PALM2AKAP2: variants seen among roughly 807,000 people sequenced by gnomAD.
The protein encoded by PALM2AKAP2 is PALM2-AKAP2 fusion protein.
In PALM2AKAP2, 37 loss-of-function variants were observed where a neutral mutation model predicts 71.5. The ratio of observed to expected loss-of-function variants is 0.52; its 90% CI spans 0.40 to 0.68. The LOEUF (loss-of-function observed/expected upper bound fraction) is 0.68, where lower values mean the gene tolerates loss of function less well. Among genes scored for constraint, PALM2AKAP2 ranks in the 30% least tolerant of loss-of-function variants. PALM2AKAP2 has a pLI of 0.00. For missense variants in PALM2AKAP2, 1,224 were observed against 1,191.8 expected, an observed-to-expected ratio of 1.03 and a Z score of -0.40; for synonymous variants, 468 against 478.8, an observed-to-expected ratio of 0.98 and a Z score of 0.29.
At chr9:109,998,726 C>T (rs886723135) in intron 6 of PALM2AKAP2, among the ~76,000 whole-genome samples, 65 of 148,116 alleles carry the variant, frequency 4.4e-4, no homozygotes, top group African/African-American at 1.1e-3. Context: ...ATGATTGCAC[C>T]GCTGCCGTCC....
chr9:109,723,670 CAAG>C (rs2118640183), intron 1 of PALM2AKAP2, among the ~76,000 whole-genome samples: 2 of 152,268 alleles, frequency 1.3e-5, no homozygotes, highest in East Asian at 3.9e-4. Context: ...AGGCATTTAA[CAAG>C]AAGGTGTTTC....
chr9:110,053,527 C>CAAAAAAAAAAAAAAAAAAAAAA (rs56132919), intron 1 of PALM2AKAP2, among the ~76,000 whole-genome samples: 3 of 82,876 alleles, frequency 3.6e-5, no homozygotes, highest in Non-Finnish European at 6.7e-5. Context: ...AACTCTGTCT[C>CAAAAAAAAAAAAAAAAAAAAAA]AAAAAAAAAA....
chr9:109,846,529 A>T (rs1828864415), intron 1 of PALM2AKAP2, among the ~76,000 whole-genome samples: 1 of 152,222 alleles, frequency 6.6e-6, no homozygotes, highest in Admixed American at 6.5e-5. Context: ...CACCATATCA[A>T]TGAAGCCTTT....
Position 110,087,184 on chromosome 9 carries a change from T to G in PALM2AKAP2, c.156+38329T>G, listed in dbSNP as rs540013369. On this transcript the variant is annotated intron_variant, in intron 1 of 3. Coordinates refer to ENST00000374525, the Ensembl canonical transcript of PALM2AKAP2. ...TACCCCACTTTAAGACTCAGCTTTA[T>G]CAGCCCTTGCTATGAGAAGCCTTTG... Among the ~76,000 whole-genome samples, 7 of 152,328 alleles carry G rather than the reference T, an allele frequency of 4.6e-5. No individual in the cohort carries two copies. In the South Asian group the frequency reaches 1.5e-3, roughly 32 times the overall value.
chr9:110,170,255 CTG>C (rs1268693502), exon 4 of PALM2AKAP2: 1 of 151,766 alleles, frequency 6.6e-6, no homozygotes, highest in African/African-American at 2.4e-5. Context: ...TGTTTTAAAA[CTG>C]TGGTTTTTTA....
intron 3 of PALM2AKAP2, among the ~76,000 whole-genome samples, chr9:110,166,311 G>A (rs1184195313): frequency 6.6e-6 from 1 of 152,174 alleles, no homozygotes; most frequent in Admixed American, 6.5e-5. Context: ...ATTTGAAGTA[G>A]ACCTGCCTGG....
intron 1 of PALM2AKAP2, among the ~76,000 whole-genome samples, chr9:109,821,786 C>A (rs372622522): frequency 7.2e-5 from 11 of 152,296 alleles, no homozygotes; most frequent in South Asian, 4.1e-4. Flanking sequence ...TCATCTCCCC[C>A]CTGGACGTGA....
In PALM2AKAP2 at chr9:109,925,049, T is replaced by C. The variant is rs752586256; in HGVS notation, c.373-12T>C. ...TGTAGAGTAACGCTCTGCCTTGTTT[T>C]TGTTCCTACAGGGTTTCTCCAGTAC... On this transcript the variant is annotated splice_polypyrimidine_tract_variant and intron_variant, in intron 4 of 9. Transcript: ENST00000302798. 6.2e-7 allele frequency: 1 copy of C among 1,614,146 alleles called. No homozygotes were observed. The highest frequency in any genetic ancestry group is 8.5e-7 in the Non-Finnish European group (1 of 1,180,012).
chr9:110,126,054 T>C (rs896283381), intron 1 of PALM2AKAP2, among the ~76,000 whole-genome samples: 3 of 152,116 alleles, frequency 2.0e-5, no homozygotes, highest in Non-Finnish European at 2.9e-5. Flanking sequence ...GTTTCCATGC[T>C]GTGGAACTCA....
chr9:109,786,799 G>GAA (rs34803690), intron 1 of PALM2AKAP2, among the ~76,000 whole-genome samples: 6 of 151,284 alleles, frequency 4.0e-5, no homozygotes, highest in Non-Finnish European at 7.4e-5. Context: ...AGTTATCATG[G>GAA]AAAAAAAAAG....
chr9:110,160,418 T>A (rs1836567501), intron 3 of PALM2AKAP2, among the ~76,000 whole-genome samples: 1 of 152,220 alleles, frequency 6.6e-6, no homozygotes, highest in Non-Finnish European at 1.5e-5. Context: ...AATCCTAGTT[T>A]CCTAAAGGGC....
exon 2 of PALM2AKAP2, chr9:110,137,782 A>G (rs1835925007): frequency 6.2e-7 from 1 of 1,614,042 alleles, no homozygotes; most frequent in Admixed American, 1.7e-5. Flanking sequence ...CCCTCCAGGA[A>G]AATTCACTGG....
intron 1 of PALM2AKAP2, among the ~76,000 whole-genome samples, chr9:110,123,277 G>T (rs1259016427): frequency 2.0e-5 from 3 of 152,200 alleles, no homozygotes; most frequent in African/African-American, 7.2e-5. Flanking sequence ...ACAGTTGGGA[G>T]GCTAGAAGCA....
At chr9:109,663,611 G>A (rs1802450389) in intron 1 of PALM2AKAP2, among the ~76,000 whole-genome samples, 1 of 152,194 alleles carries the variant, frequency 6.6e-6, no homozygotes, top group Admixed American at 6.5e-5. Flanking sequence ...TTCTAATTAT[G>A]TGGTCAATTT....
intron 7 of PALM2AKAP2, among the ~76,000 whole-genome samples, chr9:110,031,839 T>A (rs1418933965): frequency 6.6e-6 from 1 of 152,186 alleles, no homozygotes; most frequent in African/African-American, 2.4e-5. Context: ...TTTTATGTAG[T>A]TCTGTTTGCG....
intron 6 of PALM2AKAP2, among the ~76,000 whole-genome samples, chr9:109,959,086 T>C (rs1831802451): frequency 6.6e-6 from 1 of 152,218 alleles, no homozygotes; most frequent in Non-Finnish European, 1.5e-5. Context: ...CACGTGCCAC[T>C]GCTCCCCTAT....
chr9:110,167,306 A>G (rs1836760542), intron 3 of PALM2AKAP2, among the ~76,000 whole-genome samples: 1 of 152,350 alleles, frequency 6.6e-6, no homozygotes, highest in South Asian at 2.1e-4. Context: ...TGCAGTTTGC[A>G]TAATCAACCA....
At chr9:110,053,541 A>AAAAAAAAG (rs1564280786) in intron 1 of PALM2AKAP2, among the ~76,000 whole-genome samples, 1 of 150,192 alleles carries the variant, frequency 6.7e-6, no homozygotes, top group Admixed American at 6.6e-5. Context: ...AAAAAAAAAA[A>AAAAAAAAG]AAAAAAAGAA....
chr9:109,839,788 C>G (rs1201763086), intron 1 of PALM2AKAP2, among the ~76,000 whole-genome samples: 5 of 152,102 alleles, frequency 3.3e-5, no homozygotes, highest in Admixed American at 1.3e-4. Flanking sequence ...AATAAAATAC[C>G]TAAGAATCCA....
Sources: allele counts gnomAD v4.1 joint callset (sites outside exome capture counted in the v4.1 genomes callset), GRCh38; gene constraint gnomAD v4.1.1; transcripts MANE v1.5; gene names NCBI Gene and HGNC (gene_info 2026-07-23, HGNC 2026-07-21).